The following TEX36 variants were observed in gnomAD, a reference collection of about 807,000 sequenced individuals.
TEX36 encodes testis-expressed protein 36.
A neutral mutation model predicts 13.6 loss-of-function variants in TEX36; 12 were observed. The observed-to-expected ratio is 0.88, with a 90% CI of 0.56 to 1.43. The LOEUF is 1.43. Among genes scored for constraint, TEX36 ranks in the 40% most tolerant of loss-of-function variants. TEX36 has a pLI of 0.00. For missense variants in TEX36, 224 were observed against 228.3 expected, an observed-to-expected ratio of 0.98 and a Z score of 0.12; for synonymous variants, 93 against 83.0, an observed-to-expected ratio of 1.12 and a Z score of -0.65.
chr10:125,673,345 G>C (rs1847262383), intron 1 of TEX36, among the ~76,000 whole-genome samples: 1 of 152,088 alleles, frequency 6.6e-6, no homozygotes, highest in African/African-American at 2.4e-5. Context: ...TGTCTGAAAA[G>C]GATTTTATTT....
intron 3 of TEX36, among the ~76,000 whole-genome samples, chr10:125,643,379 G>A (rs1366959354): frequency 1.3e-5 from 2 of 152,080 alleles, no homozygotes; most frequent in Non-Finnish European, 2.9e-5. Context: ...AGGCTGAGGT[G>A]GGCCGATCAT....
At chr10:125,592,578 A>G (rs1296171346) in intron 3 of TEX36, among the ~76,000 whole-genome samples, 3 of 152,132 alleles carry the variant, frequency 2.0e-5, no homozygotes, top group Non-Finnish European at 4.4e-5. Flanking sequence ...TCTAGCAGAC[A>G]CCAACTGAAT....
At chr10:125,656,571 T>G (rs1348641999) in intron 3 of TEX36, among the ~76,000 whole-genome samples, 1 of 151,776 alleles carries the variant, frequency 6.6e-6, no homozygotes, top group East Asian at 1.9e-4. Context: ...GTCACATAGT[T>G]CTGAGGTCTT....
chr10:125,612,637 C>T (rs1473767115), intron 3 of TEX36, among the ~76,000 whole-genome samples: 3 of 151,924 alleles, frequency 2.0e-5, no homozygotes, highest in Admixed American at 1.3e-4. Flanking sequence ...GGCAACTGTC[C>T]TCTTCTTACC....
intron 3 of TEX36, among the ~76,000 whole-genome samples, chr10:125,611,114 T>A (rs183983696): frequency 6.6e-6 from 1 of 152,354 alleles, no homozygotes; most frequent in African/African-American, 2.4e-5. Context: ...TGCCTAGTAT[T>A]CTGCCATACT....
At chr10:125,610,454 G>A (rs1846275199) in intron 3 of TEX36, among the ~76,000 whole-genome samples, 1 of 151,948 alleles carries the variant, frequency 6.6e-6, no homozygotes, top group Non-Finnish European at 1.5e-5. Flanking sequence ...TGTTAGAAAT[G>A]CAGACTCTCA....
intron 3 of TEX36, among the ~76,000 whole-genome samples, chr10:125,591,836 C>A (rs1253115080): frequency 6.6e-6 from 1 of 152,094 alleles, no homozygotes; most frequent in African/African-American, 2.4e-5. Context: ...AACTGACCTT[C>A]CCTGCTTGTA....
downstream of TEX36, among the ~76,000 whole-genome samples, chr10:125,651,796 A>T (rs896717525): frequency 1.3e-5 from 2 of 152,234 alleles, no homozygotes; most frequent in Non-Finnish European, 2.9e-5. Context: ...AACTTCAGCA[A>T]AATCTCAGGA....
downstream of TEX36, among the ~76,000 whole-genome samples, chr10:125,618,017 C>T (rs1846380506): frequency 6.6e-6 from 1 of 152,186 alleles, no homozygotes; most frequent in Non-Finnish European, 1.5e-5. Context: ...AACTTCCCTT[C>T]TCACTTCATT....
At chr10:125,643,778 A>C (rs1183787635) in intron 3 of TEX36, among the ~76,000 whole-genome samples, 1 of 151,964 alleles carries the variant, frequency 6.6e-6, no homozygotes, top group Non-Finnish European at 1.5e-5. Flanking sequence ...TTAGCTGGGC[A>C]TGGTGGCACA....
chr10:125,664,519 G>A (rs949363398), intron 1 of TEX36, among the ~76,000 whole-genome samples: 1 of 152,194 alleles, frequency 6.6e-6, no homozygotes, highest in African/African-American at 2.4e-5. Flanking sequence ...CGCCTGGTGG[G>A]AGGTGATTGG....
chr10:125,590,710 C>T (rs1846011706), intron 3 of TEX36, among the ~76,000 whole-genome samples: 2 of 152,046 alleles, frequency 1.3e-5, no homozygotes, highest in Non-Finnish European at 2.9e-5. Flanking sequence ...GAAAAAAGCA[C>T]TATATAGAAG....
At chr10:125,653,043 T>G (rs1213769609), downstream of TEX36, among the ~76,000 whole-genome samples, 5 of 152,244 alleles carry the variant, frequency 3.3e-5, no homozygotes, top group South Asian at 6.2e-4. Context: ...TTGGTGGGAC[T>G]GTAAACTAGT....
chr10:125,589,621 A>G (rs73375976), intron 3 of TEX36, among the ~76,000 whole-genome samples: 6,059 of 152,318 alleles, frequency 0.04, 410 homozygotes, highest in African/African-American at 0.13. Flanking sequence ...CATTGAAAGA[A>G]TCATATATTA....
At chr10:125,673,521 G>C (rs1905256) in intron 1 of TEX36, among the ~76,000 whole-genome samples, 23,568 of 151,750 alleles carry the variant, frequency 0.16, 2,312 homozygotes, top group South Asian at 0.29. Flanking sequence ...GACCAGCCTG[G>C]TCAACATGGT....
At chr10:125,642,402 C>T (rs1216966646) in intron 3 of TEX36, among the ~76,000 whole-genome samples, 1 of 152,180 alleles carries the variant, frequency 6.6e-6, no homozygotes, top group East Asian at 1.9e-4. Context: ...AACAGTATCT[C>T]TTTGACACAG....
In TEX36 at chr10:125,677,048, T is replaced by C. The variant is rs781271742; in HGVS notation, c.51+5891A>G. Among the ~76,000 whole-genome samples, 67 of 152,288 alleles carry C rather than the reference T, an allele frequency of 4.4e-4. 1 individual carries two copies. In the Middle Eastern group the frequency reaches 0.034, roughly 77 times the overall value. ...TCCTATTGTCTTATGACCTGTAAGG[T>C]TTCTGCTGAGAAACCTATTGTTAGT... On this transcript the variant is annotated intron_variant, in intron 1 of 3. Transcript: ENST00000368821.
Position 125,667,669 on chromosome 10 carries a change from G to A in TEX36, c.52-5692C>T, listed in dbSNP as rs577609953. On this transcript the variant is annotated intron_variant, in intron 1 of 3. Transcript: ENST00000368821. ...CACCCTTGGACATGACAACTTGGGG[G>A]AAAGGACGCCCATCATCCTTCTTCT... 1.9e-3 allele frequency: 1,372 copies of A among 721,010 alleles called. 9 individuals are homozygous for A. In the Middle Eastern group the frequency reaches 0.02, roughly 11 times the overall value. 44.7% of individuals were successfully genotyped at this position (721,010 alleles called of 1,614,324 possible).
chr10:125,612,432 G>A (rs1265452497), intron 3 of TEX36, among the ~76,000 whole-genome samples: 1 of 152,058 alleles, frequency 6.6e-6, no homozygotes, highest in Non-Finnish European at 1.5e-5. Context: ...TTACCACTCA[G>A]GGAAACTGAG....
Sources: allele counts gnomAD v4.1 joint callset (sites outside exome capture counted in the v4.1 genomes callset), GRCh38; gene constraint gnomAD v4.1.1; transcripts MANE v1.5; gene names NCBI Gene and HGNC (gene_info 2026-07-23, HGNC 2026-07-21).